COG5: variants seen among roughly 807,000 people sequenced by gnomAD.
COG5 encodes the protein conserved oligomeric Golgi complex subunit 5.
A neutral mutation model predicts 110.4 loss-of-function variants in COG5; 86 were observed. That is an observed-to-expected ratio of 0.78 (90% CI 0.65 to 0.93). The LOEUF is 0.93. Among genes scored for constraint, COG5 ranks in the 40% least tolerant of loss-of-function variants. The pLI is 0.00. For missense variants in COG5, 1,077 were observed against 987.0 expected, an observed-to-expected ratio of 1.09 and a Z score of -1.22; for synonymous variants, 360 against 334.6, an observed-to-expected ratio of 1.08 and a Z score of -0.83.
chr7:107,385,798 T>C (rs1171355106), intron 7 of COG5, among the ~76,000 whole-genome samples: 2 of 150,310 alleles, frequency 1.3e-5, no homozygotes, highest in East Asian at 1.9e-4. Flanking sequence ...CCAACGCTTG[T>C]TATTTTCTTT....
At chr7:107,356,937 A>T (rs2129044071) in intron 10 of COG5, among the ~76,000 whole-genome samples, 1 of 152,252 alleles carries the variant, frequency 6.6e-6, no homozygotes, top group Admixed American at 6.5e-5. Flanking sequence ...TCTATTCATA[A>T]CCTTTTCCTT....
chr7:107,289,165 C>A (rs1805949110), intron 12 of COG5, among the ~76,000 whole-genome samples: 1 of 151,318 alleles, frequency 6.6e-6, no homozygotes, highest in Non-Finnish European at 1.5e-5. Flanking sequence ...ATATTTAAAT[C>A]TTTGATCCAT....
intron 16 of COG5, among the ~76,000 whole-genome samples, chr7:107,251,532 T>A (rs1802502494): frequency 6.6e-6 from 1 of 152,182 alleles, no homozygotes; most frequent in African/African-American, 2.4e-5. Flanking sequence ...TTAATTCTGT[T>A]ATCAGAATTA....
intron 7 of COG5, among the ~76,000 whole-genome samples, chr7:107,407,547 C>CAT (rs985660004): frequency 4.7e-5 from 7 of 149,600 alleles, no homozygotes; most frequent in South Asian, 2.1e-4. Flanking sequence ...TACATCAAAA[C>CAT]ATATATATAT....
intron 3 of COG5, among the ~76,000 whole-genome samples, chr7:107,552,214 A>G (rs1288780472): frequency 1.3e-5 from 2 of 152,216 alleles, no homozygotes; most frequent in South Asian, 2.1e-4. Flanking sequence ...AAAAACTAGC[A>G]TGTTTTCAAG....
chr7:107,430,880 T>C (rs186480960), intron 6 of COG5, among the ~76,000 whole-genome samples: 51 of 151,982 alleles, frequency 3.4e-4, no homozygotes, highest in African/African-American at 1.2e-3. Flanking sequence ...TTTTATAAAA[T>C]AGAGGCAGTG....
intron 6 of COG5, among the ~76,000 whole-genome samples, chr7:107,522,049 T>A (rs573401248): frequency 6.6e-6 from 1 of 151,938 alleles, no homozygotes; most frequent in Admixed American, 6.6e-5. Context: ...ACATTCTCAC[T>A]CGTAAATGGG....
At position 107,248,467 on chromosome 7, in the gene COG5, T is replaced by C; in HGVS notation, c.1782A>G (p.Gln594=). The part of the protein sequence containing the change: ...AIHALMENAV[Q]PLLTSVGDAI... Reference sequence around the variant, plus strand: ...CATCTCCCACAGAAGTGAGTAAGGGTTGCACAGCATTTTCCATAAGAGCAT... The same window carrying C: ...CATCTCCCACAGAAGTGAGTAAGGGCTGCACAGCATTTTCCATAAGAGCAT... Residue 594 remains glutamine (Q), a synonymous_variant, in exon 17 of 22, where the codon CAA becomes CAG. Coordinates refer to ENST00000297135, the MANE Select transcript of COG5 (RefSeq NM_006348.5). 6.2e-7 allele frequency: 1 copy of C among 1,609,526 alleles called. No individual in the cohort carries two copies. The highest frequency in any genetic ancestry group is 1.1e-5 in the South Asian group (1 of 90,892).
At chr7:107,384,571 C>T (rs73187359) in intron 7 of COG5, among the ~76,000 whole-genome samples, 6,380 of 152,174 alleles carry the variant, frequency 0.042, 174 homozygotes, top group Middle Eastern at 0.062. Flanking sequence ...TGTCTGAAAG[C>T]CTAAATTTTT....
In COG5 at chr7:107,517,532, G is replaced by C. The variant is rs182873995; in HGVS notation, c.538+9705C>G. Among the ~76,000 whole-genome samples, 514 of 152,050 alleles carry C rather than the reference G, an allele frequency of 3.4e-3. 1 individual carries two copies. Among genetic ancestry groups the C allele is most frequent in the Non-Finnish European group, 5.6e-3 (381 of 68,000 alleles). On this transcript the variant is annotated intron_variant, in intron 6 of 21. Transcript: ENST00000297135. ...TATTCCATGAGAAGATAAACCCCAA[G>C]ACATATAATCATCAGATTCTTCACG...
intron 8 of COG5, among the ~76,000 whole-genome samples, chr7:107,364,328 A>T (rs1375589715): frequency 1.3e-5 from 2 of 152,236 alleles, no homozygotes; most frequent in Non-Finnish European, 2.9e-5. Flanking sequence ...TTAAAGAGAC[A>T]AGACAGCCAA....
chr7:107,373,788 G>A (rs1023205386), intron 7 of COG5, among the ~76,000 whole-genome samples: 3 of 152,108 alleles, frequency 2.0e-5, no homozygotes, highest in African/African-American at 4.8e-5. Context: ...ATCCTCTCAC[G>A]CATTAGTAAG....
At chr7:107,357,733 A>G (rs148772656) in intron 10 of COG5, among the ~76,000 whole-genome samples, 23 of 152,016 alleles carry the variant, frequency 1.5e-4, no homozygotes, top group African/African-American at 5.5e-4. Flanking sequence ...CAGTGGTGCA[A>G]TCTTAACTGA....
intron 6 of COG5, among the ~76,000 whole-genome samples, chr7:107,413,493 C>T (rs73724514): frequency 6.6e-6 from 1 of 151,442 alleles, no homozygotes; most frequent in African/African-American, 2.4e-5. Context: ...TTCCACAAAC[C>T]TGCTTTTCAG....
intron 6 of COG5, among the ~76,000 whole-genome samples, chr7:107,523,300 C>T (rs1345904631): frequency 6.6e-6 from 1 of 151,582 alleles, no homozygotes; most frequent in Admixed American, 6.6e-5. Context: ...TTTCAATTTC[C>T]AATTGCTTGT....
chr7:107,466,555 T>C (rs1796308211), intron 6 of COG5, among the ~76,000 whole-genome samples: 2 of 152,216 alleles, frequency 1.3e-5, no homozygotes, highest in South Asian at 4.1e-4. Flanking sequence ...TCAGTTATTC[T>C]CATATAGAAA....
intron 6 of COG5, among the ~76,000 whole-genome samples, chr7:107,424,950 C>A (rs2129075505): frequency 6.6e-6 from 1 of 152,248 alleles, no homozygotes; most frequent in East Asian, 1.9e-4. Flanking sequence ...GGTGTTATAA[C>A]TTAAGGGAAT....
At chr7:107,536,688 C>T (rs1801608364) in intron 5 of COG5, among the ~76,000 whole-genome samples, 1 of 152,062 alleles carries the variant, frequency 6.6e-6, no homozygotes, top group Admixed American at 6.6e-5. Context: ...CCATTCTGCC[C>T]AAAATAATTT....
intron 12 of COG5, among the ~76,000 whole-genome samples, chr7:107,290,778 A>G (rs142735209): frequency 6.6e-6 from 1 of 151,952 alleles, no homozygotes; most frequent in Non-Finnish European, 1.5e-5. Flanking sequence ...TGTTAATGTT[A>G]TTGGGACTCC....
Sources: allele counts gnomAD v4.1 joint callset (sites outside exome capture counted in the v4.1 genomes callset), GRCh38; gene constraint gnomAD v4.1.1; transcripts MANE v1.5; gene names NCBI Gene and HGNC (gene_info 2026-07-23, HGNC 2026-07-21).